AK5: variants seen among roughly 807,000 people sequenced by gnomAD.
AK5 encodes adenylate kinase 5.
AK5 carries 27 observed loss-of-function variants against 69.5 expected under a neutral mutation model. That is an observed-to-expected ratio of 0.39 (90% confidence interval 0.29 to 0.54). The LOEUF is 0.54. AK5 is among the 20% of genes least tolerant of loss of function. AK5 has a pLI of 0.71. For missense variants in AK5, 531 were observed against 700.4 expected (o/e 0.76, Z 2.73); for synonymous variants, 260 against 244.4 (o/e 1.06, Z -0.60).
intron 10 of AK5, among the ~76,000 whole-genome samples, chr1:77,486,563 T>G (rs370321518): frequency 1.2e-4 from 18 of 151,986 alleles, no homozygotes; most frequent in African/African-American, 3.9e-4. Flanking sequence ...CCGGGCATGG[T>G]GGCGGGCGCC....
At chr1:77,328,920 G>A (rs1233378290) in intron 5 of AK5, among the ~76,000 whole-genome samples, 1 of 152,194 alleles carries the variant, frequency 6.6e-6, no homozygotes, top group Non-Finnish European at 1.5e-5. Flanking sequence ...AGCCTAAGAG[G>A]CTGTTGCCAG....
chr1:77,320,984 A>G (rs1426567475), intron 5 of AK5, among the ~76,000 whole-genome samples: 1 of 152,252 alleles, frequency 6.6e-6, no homozygotes, highest in Non-Finnish European at 1.5e-5. Context: ...GACAAATGCA[A>G]ACTCATAATT....
intron 13 of AK5, among the ~76,000 whole-genome samples, chr1:77,545,262 T>C (rs1003987696): frequency 1.3e-5 from 2 of 152,102 alleles, no homozygotes; most frequent in African/African-American, 4.8e-5. Context: ...TCTTTTCTTC[T>C]TTCCTCCAGC....
At chr1:77,346,669 C>T (rs1213811957) in intron 6 of AK5, among the ~76,000 whole-genome samples, 3 of 151,932 alleles carry the variant, frequency 2.0e-5, no homozygotes, top group Admixed American at 6.6e-5. Flanking sequence ...CCTAATTTTT[C>T]GTATGTTTTG....
chr1:77,372,757 ATG>A (rs79604774), intron 6 of AK5, among the ~76,000 whole-genome samples: 9,808 of 139,114 alleles, frequency 0.071, 333 homozygotes, highest in Middle Eastern at 0.096. Flanking sequence ...TCTAAATAAA[ATG>A]TGTGTGTGTG....
At chr1:77,393,997 T>G (rs531239118) in intron 6 of AK5, among the ~76,000 whole-genome samples, 2 of 152,204 alleles carry the variant, frequency 1.3e-5, no homozygotes, top group Admixed American at 1.3e-4. Context: ...GGCCTATCAC[T>G]TGAAGTCAGG....
In AK5 at chr1:77,301,196, T is replaced by A. The variant is rs544042613; in HGVS notation, c.699+3249T>A. Among the ~76,000 whole-genome samples the A allele has an allele frequency of 6.3e-4, 96 of 152,316 alleles. No individual in the cohort carries two copies. The Middle Eastern group carries it at 0.024, about 38-fold the overall frequency. ...GACTGGGCAGCTTTTTTCCTTGAGATCATTTAGGGACCATGGTTCCTCCCA... is the reference window on the plus strand; with the variant it reads ...GACTGGGCAGCTTTTTTCCTTGAGAACATTTAGGGACCATGGTTCCTCCCA... On this transcript the variant is annotated intron_variant, in intron 5 of 13. Coordinates refer to ENST00000354567, the MANE Select transcript of AK5 (RefSeq NM_174858.3).
At chr1:77,487,142 G>C (rs79496708) in intron 10 of AK5, among the ~76,000 whole-genome samples, 1,858 of 152,240 alleles carry the variant, frequency 0.012, 54 homozygotes, top group East Asian at 0.11. Context: ...ATGTGTTTGA[G>C]GTTTACCAAC....
At chr1:77,373,500 G>C (rs1261068446) in intron 6 of AK5, among the ~76,000 whole-genome samples, 1 of 152,146 alleles carries the variant, frequency 6.6e-6, no homozygotes, top group Non-Finnish European at 1.5e-5. Flanking sequence ...GCCGAGGCGG[G>C]TGGATCACTT....
intron 5 of AK5, chr1:77,314,051 C>T (rs537751493): frequency 8.1e-6 from 3 of 368,728 alleles, no homozygotes; most frequent in East Asian, 7.3e-5. Context: ...CAATATTGAA[C>T]ATATATTGAG....
chr1:77,324,206 A>G (rs1660672075), intron 5 of AK5, among the ~76,000 whole-genome samples: 1 of 152,180 alleles, frequency 6.6e-6, no homozygotes, highest in African/African-American at 2.4e-5. Flanking sequence ...GGCATGAACA[A>G]TGTTAGGAAA....
chr1:77,447,355 A>G (rs1455313279), intron 8 of AK5, among the ~76,000 whole-genome samples: 1 of 152,238 alleles, frequency 6.6e-6, no homozygotes, highest in Non-Finnish European at 1.5e-5. Flanking sequence ...TGAGCAAGGA[A>G]TTCAATAGAT....
chr1:77,517,498 A>G (rs1466633541), intron 10 of AK5, among the ~76,000 whole-genome samples: 1 of 152,178 alleles, frequency 6.6e-6, no homozygotes, highest in Non-Finnish European at 1.5e-5. Flanking sequence ...TCGTCTGTAA[A>G]ATGGGAATAA....
At chr1:77,367,191 C>T (rs1267646403) in intron 6 of AK5, among the ~76,000 whole-genome samples, 1 of 151,310 alleles carries the variant, frequency 6.6e-6, no homozygotes, top group Non-Finnish European at 1.5e-5. Flanking sequence ...ATACAAAATG[C>T]TTGGGACCAG....
intron 6 of AK5, among the ~76,000 whole-genome samples, chr1:77,356,889 G>A (rs1303560423): frequency 1.3e-5 from 2 of 152,190 alleles, no homozygotes; most frequent in African/African-American, 4.8e-5. Flanking sequence ...ATGATGAGCT[G>A]AGAAAAGTGA....
intron 2 of AK5, among the ~76,000 whole-genome samples, chr1:77,287,591 A>C (rs749708093): frequency 2.8e-4 from 42 of 152,364 alleles, no homozygotes; most frequent in Middle Eastern, 3.4e-3. Flanking sequence ...AGTTTATACT[A>C]GTGATAAAAG....
At chr1:77,527,914 C>T (rs528498705) in intron 12 of AK5, among the ~76,000 whole-genome samples, 4 of 152,302 alleles carry the variant, frequency 2.6e-5, no homozygotes, top group Admixed American at 6.5e-5. Flanking sequence ...ACAAAATTAG[C>T]GGGACGTGGT....
At chr1:77,340,795 A>C in intron 6 of AK5, 1 of 410,114 alleles carries the variant, frequency 2.4e-6, no homozygotes, top group Non-Finnish European at 4.3e-6. Context: ...GAAAGAAGAT[A>C]AATTTTAACC....
At chr1:77,367,103 T>C (rs994829259) in intron 6 of AK5, among the ~76,000 whole-genome samples, 3 of 152,088 alleles carry the variant, frequency 2.0e-5, no homozygotes, top group African/African-American at 4.8e-5. Context: ...TTTCTTCCAA[T>C]TGAATCATGA....
Sources: allele counts gnomAD v4.1 joint callset (sites outside exome capture counted in the v4.1 genomes callset), GRCh38; gene constraint gnomAD v4.1.1; transcripts MANE v1.5; gene names NCBI Gene and HGNC (gene_info 2026-07-23, HGNC 2026-07-21).